MGAT4C: variants seen among roughly 807,000 people sequenced by gnomAD.
MGAT4C encodes MGAT4 family member C, also known as alpha-1,3-mannosyl-glycoprotein 4-beta-N-acetylglucosaminyltransferase C.
In MGAT4C, 19 loss-of-function variants were observed where a neutral mutation model predicts 40.1. That is an observed-to-expected ratio of 0.47 (90% CI 0.33 to 0.70). The LOEUF is 0.70. Ranked by LOEUF, MGAT4C falls within the 30% of genes least tolerant of loss-of-function variation. The pLI is 0.02. For missense variants in MGAT4C, 491 were observed against 563.2 expected (o/e 0.87, Z 1.30); for synonymous variants, 181 against 187.1 (o/e 0.97, Z 0.27).
intron 2 of MGAT4C, chr12:86,028,054 T>A (rs1890394547): frequency 9.1e-7 from 1 of 1,098,970 alleles, no homozygotes; most frequent in Non-Finnish European, 1.2e-6. Flanking sequence ...CAAGAAAGTA[T>A]CAAACACATG....
At chr12:86,746,863 T>C (rs1951161971) in intron 1 of MGAT4C, among the ~76,000 whole-genome samples, 1 of 151,598 alleles carries the variant, frequency 6.6e-6, no homozygotes, top group African/African-American at 2.4e-5. Flanking sequence ...CTGGATGTGA[T>C]AATTTAACAA....
At chr12:86,584,798 G>A (rs1375670051) in intron 2 of MGAT4C, among the ~76,000 whole-genome samples, 1 of 151,280 alleles carries the variant, frequency 6.6e-6, no homozygotes, top group African/African-American at 2.4e-5. Flanking sequence ...CTGTCAACTT[G>A]ATTGTTTAAA....
chr12:86,447,184 G>A (rs1419341612), intron 2 of MGAT4C, among the ~76,000 whole-genome samples: 1 of 152,094 alleles, frequency 6.6e-6, no homozygotes, highest in Non-Finnish European at 1.5e-5. Context: ...GGAGTGCAAT[G>A]GTGCAATCTC....
chr12:86,759,172 A>G lies in MGAT4C; in HGVS notation c.-261-31931T>C, dbSNP rs149110754. Among the ~76,000 whole-genome samples the G allele has an allele frequency of 9.5e-3, 1,453 of 152,224 alleles. 11 individuals carry two copies. The highest frequency in any genetic ancestry group is 0.017 in the Middle Eastern group (5 of 294). On this transcript the variant is annotated intron_variant, in intron 1 of 7. Coordinates refer to the MGAT4C transcript ENST00000548651. ...CTGTGCCTAGCTTATTTAATTTAAC[A>G]TAAATGGCCCTCAGCTTCATTCATG...
At position 86,542,483 on chromosome 12, in the gene MGAT4C, C is replaced by T. The variant is rs147518161; in HGVS notation, c.-228-107218G>A. Among the ~76,000 whole-genome samples, 1,307 of 152,304 alleles carry T rather than the reference C, an allele frequency of 8.6e-3. 7 individuals are homozygous for T. The highest frequency in any genetic ancestry group is 0.017 in the Middle Eastern group (5 of 294). On this transcript the variant is annotated intron_variant, in intron 2 of 7. Transcript: ENST00000548651. ...CTGTGGGAGAGCTGTTTTTCTCCTACCTTAGCTCTCAACCATTATGTTGTG... is the reference window on the plus strand; with the variant it reads ...CTGTGGGAGAGCTGTTTTTCTCCTATCTTAGCTCTCAACCATTATGTTGTG...
intron 2 of MGAT4C, among the ~76,000 whole-genome samples, chr12:86,577,872 G>A (rs546843454): frequency 2.0e-5 from 3 of 151,688 alleles, no homozygotes; most frequent in Non-Finnish European, 4.4e-5. Flanking sequence ...CATTGTTTAA[G>A]TCCAATATAT....
At chr12:86,752,420 A>T (rs889038460) in intron 1 of MGAT4C, among the ~76,000 whole-genome samples, 1 of 151,996 alleles carries the variant, frequency 6.6e-6, no homozygotes, top group African/African-American at 2.4e-5. Flanking sequence ...GTCTAGTGTT[A>T]TCTAGAATAG....
At chr12:86,284,612 A>G (rs1953302979) in intron 4 of MGAT4C, among the ~76,000 whole-genome samples, 1 of 152,016 alleles carries the variant, frequency 6.6e-6, no homozygotes, top group Non-Finnish European at 1.5e-5. Flanking sequence ...AATACTTCTA[A>G]TAATTGAAAA....
At chr12:86,613,684 A>G (rs1418495503) in intron 2 of MGAT4C, among the ~76,000 whole-genome samples, 2 of 152,152 alleles carry the variant, frequency 1.3e-5, no homozygotes, top group Non-Finnish European at 2.9e-5. Flanking sequence ...AGCACCCTAA[A>G]TAGAGAGGAA....
chr12:86,223,685 T>C (rs1950967056), intron 1 of MGAT4C, among the ~76,000 whole-genome samples: 1 of 152,176 alleles, frequency 6.6e-6, no homozygotes, highest in Non-Finnish European at 1.5e-5. Flanking sequence ...CTGTTCACTT[T>C]GTAATGATGT....
intron 1 of MGAT4C, among the ~76,000 whole-genome samples, chr12:86,121,296 A>C (rs930377246): frequency 6.6e-6 from 1 of 152,216 alleles, no homozygotes. Context: ...TGATGGGGAG[A>C]ATGGAACCAA....
At chr12:86,367,541 G>A (rs1445536078) in intron 3 of MGAT4C, among the ~76,000 whole-genome samples, 1 of 152,080 alleles carries the variant, frequency 6.6e-6, no homozygotes. Flanking sequence ...GGCTCACACC[G>A]GTAATCCCAG....
At chr12:86,376,088 G>A (rs1164354555) in intron 3 of MGAT4C, among the ~76,000 whole-genome samples, 1 of 151,874 alleles carries the variant, frequency 6.6e-6, no homozygotes, top group Non-Finnish European at 1.5e-5. Context: ...CAAATGGATA[G>A]TTAAATTGAA....
intron 2 of MGAT4C, among the ~76,000 whole-genome samples, chr12:86,654,715 C>A (rs1963793947): frequency 6.8e-6 from 1 of 147,124 alleles, no homozygotes; most frequent in Non-Finnish European, 1.5e-5. Flanking sequence ...CTTCTTTTCC[C>A]TGTACCTTTT....
chr12:86,072,026 TTGTGTGTGTG>T (rs71076158), intron 1 of MGAT4C, among the ~76,000 whole-genome samples: 130 of 148,628 alleles, frequency 8.7e-4, no homozygotes, highest in East Asian at 4.6e-3. Flanking sequence ...GCATAGGGTT[TTGTGTGTGTG>T]TGTGTGTGTG....
At chr12:86,712,412 T>C (rs1207954353) in intron 2 of MGAT4C, among the ~76,000 whole-genome samples, 1 of 152,006 alleles carries the variant, frequency 6.6e-6, no homozygotes, top group Non-Finnish European at 1.5e-5. Context: ...AAGAAAAACT[T>C]CAGACAGTTT....
chr12:86,486,376 G>GCACACA (rs59222713), intron 2 of MGAT4C, among the ~76,000 whole-genome samples: 352 of 140,096 alleles, frequency 2.5e-3, no homozygotes, highest in East Asian at 6.3e-3. Flanking sequence ...GATCTATCAT[G>GCACACA]CACACACACA....
intron 2 of MGAT4C, among the ~76,000 whole-genome samples, chr12:86,680,345 T>C (rs959524742): frequency 2.0e-5 from 3 of 152,034 alleles, no homozygotes; most frequent in Admixed American, 2.0e-4. Context: ...AAGATTATCA[T>C]AATCTAGGCA....
At chr12:86,174,835 C>A (rs1318648708) in intron 1 of MGAT4C, among the ~76,000 whole-genome samples, 20 of 152,068 alleles carry the variant, frequency 1.3e-4, no homozygotes, top group Admixed American at 1.3e-3. Flanking sequence ...TTTATATTTT[C>A]TTCGGTAAGC....
Sources: gnomAD v4.1 joint callset for allele counts (sites outside exome capture counted in the v4.1 genomes callset) on GRCh38, gnomAD v4.1.1 for gene constraint, MANE v1.5 for transcripts, NCBI Gene and HGNC (gene_info 2026-07-23, HGNC 2026-07-21) for gene names.